Variants in ADK observed in about 807,000 individuals in gnomAD.
ADK encodes the protein N6,N6-dimethyladenosine kinase.
A neutral mutation model predicts 44.7 loss-of-function variants in ADK; 24 were observed. The ratio of observed to expected loss-of-function variants is 0.54; its 90% CI spans 0.39 to 0.76. The LOEUF is 0.76. Among genes scored for constraint, ADK ranks in the 30% least tolerant of loss-of-function variants. The probability of loss-of-function intolerance (pLI) is 0.00; values close to 1 mark genes in which losing one functional copy is unlikely to be tolerated. For synonymous variants in ADK, 128 were observed against 142.6 expected (o/e 0.90, Z 0.73); for missense variants, 321 against 425.1 (o/e 0.76, Z 2.15).
chr10:74,699,510 C>G (rs1468073749), intron 10 of ADK, among the ~76,000 whole-genome samples: 1 of 152,094 alleles, frequency 6.6e-6, no homozygotes, highest in Non-Finnish European at 1.5e-5. Flanking sequence ...AAACCCGTCT[C>G]TACTGAAAAT....
At chr10:74,207,383 G>A (rs904943072) in intron 2 of ADK, among the ~76,000 whole-genome samples, 6 of 152,154 alleles carry the variant, frequency 3.9e-5, no homozygotes, top group African/African-American at 1.4e-4. Context: ...AGCTCTGTTT[G>A]TGTTACAGCT....
intron 4 of ADK, among the ~76,000 whole-genome samples, chr10:74,370,435 C>T (rs940134989): frequency 6.6e-5 from 10 of 152,090 alleles, no homozygotes; most frequent in African/African-American, 1.2e-4. Flanking sequence ...TGTTTTCTCC[C>T]ATAACCTCAT....
At chr10:74,497,550 A>C (rs1438142417) in intron 6 of ADK, among the ~76,000 whole-genome samples, 165 of 152,340 alleles carry the variant, frequency 1.1e-3, no homozygotes, top group Non-Finnish European at 1.0e-4. Context: ...GGTTCTAGGG[A>C]TATGGTAATG....
At chr10:74,317,051 T>C (rs1840648334) in intron 4 of ADK, among the ~76,000 whole-genome samples, 1 of 152,218 alleles carries the variant, frequency 6.6e-6, no homozygotes, top group Non-Finnish European at 1.5e-5. Context: ...TCAAGTGATA[T>C]GGCAAATTAT....
At chr10:74,249,084 T>G (rs1466598736) in intron 3 of ADK, among the ~76,000 whole-genome samples, 1 of 152,218 alleles carries the variant, frequency 6.6e-6, no homozygotes, top group Non-Finnish European at 1.5e-5. Context: ...AAAATTTGTG[T>G]GAAATTCTCT....
intron 6 of ADK, among the ~76,000 whole-genome samples, chr10:74,458,608 A>C (rs937471031): frequency 3.3e-5 from 5 of 152,122 alleles, no homozygotes; most frequent in African/African-American, 1.2e-4. Flanking sequence ...TTGGCTTTGG[A>C]AATTTTATTA....
At chr10:74,517,466 A>G (rs1316407786) in intron 6 of ADK, among the ~76,000 whole-genome samples, 1 of 152,084 alleles carries the variant, frequency 6.6e-6, no homozygotes, top group African/African-American at 2.4e-5. Flanking sequence ...AGGGAGGCGT[A>G]TGGCTTGAGC....
At chr10:74,270,630 A>T (rs1443174536) in intron 3 of ADK, among the ~76,000 whole-genome samples, 2 of 152,218 alleles carry the variant, frequency 1.3e-5, no homozygotes, top group Non-Finnish European at 1.5e-5. Context: ...TCCTTAGACT[A>T]TGCTTTGAGA....
intron 7 of ADK, 32 bp downstream of exon 7, chr10:74,525,458 G>A: frequency 6.3e-7 from 1 of 1,577,536 alleles, no homozygotes; most frequent in Non-Finnish European, 8.7e-7. Context: ...AAAAGAACCT[G>A]GGGGTTTTTT....
chr10:74,480,341 A>G (rs1490642832), intron 6 of ADK, among the ~76,000 whole-genome samples: 1 of 150,646 alleles, frequency 6.6e-6, no homozygotes, highest in Non-Finnish European at 1.5e-5. Flanking sequence ...CAATCATCCA[A>G]CCACAGCCTC....
At chr10:74,540,388 T>C (rs1033998120) in intron 7 of ADK, among the ~76,000 whole-genome samples, 1 of 152,020 alleles carries the variant, frequency 6.6e-6, no homozygotes, top group Non-Finnish European at 1.5e-5. Flanking sequence ...TTGGTATTAT[T>C]TGTATAGTAT....
chr10:74,473,309 G>A (rs7476181), intron 6 of ADK, among the ~76,000 whole-genome samples: 91,837 of 151,954 alleles, frequency 0.6, 30,192 homozygotes, highest in Middle Eastern at 0.78. Flanking sequence ...GTAAAAATAA[G>A]TTCCATGTAC....
At chr10:74,427,199 A>C (rs1481877282) in intron 6 of ADK, among the ~76,000 whole-genome samples, 1 of 151,868 alleles carries the variant, frequency 6.6e-6, no homozygotes, top group African/African-American at 2.4e-5. Flanking sequence ...GGTTTATTTT[A>C]TTTTATTTTA....
At position 74,162,527 on chromosome 10, in the gene ADK, G is replaced by A. The variant is rs915914536; in HGVS notation, c.65+11184G>A. On this transcript the variant is annotated intron_variant, in intron 1 of 10. Transcript: ENST00000539909. The stretch of plus-strand genomic sequence containing the variant: ...ACTCCCGATTGCATTTCTTTTGTGT[G>A]TGTGTGTGTGTGTGTGTGTGTGTGT... 6.1e-3 allele frequency among the ~76,000 whole-genome samples: 822 copies of A among 134,440 alleles called. 8 individuals carry two copies. Among genetic ancestry groups the A allele is most frequent in the Non-Finnish European group, 7.3e-3 (456 of 62,134 alleles). 88.2% of individuals were successfully genotyped at this position (134,440 alleles called of 152,430 possible).
chr10:74,635,181 C>G (rs892294171), intron 9 of ADK, among the ~76,000 whole-genome samples: 2 of 152,108 alleles, frequency 1.3e-5, no homozygotes, highest in Non-Finnish European at 2.9e-5. Context: ...AAAACCACAC[C>G]TAAACATTTA....
intron 3 of ADK, among the ~76,000 whole-genome samples, chr10:74,259,144 C>T (rs1845943708): frequency 6.6e-6 from 1 of 151,564 alleles, no homozygotes; most frequent in Non-Finnish European, 1.5e-5. Context: ...GAGGTTTCGC[C>T]ATGTTGGCCA....
At position 74,218,040 on chromosome 10, in the gene ADK, G is replaced by T. The variant is rs192655907; in HGVS notation, c.141-6498G>T. ...GGACGGAGAATGACTTTGACGAGTT[G>T]AAAGAAGAAGGCTTCAGACGATCAA... On this transcript the variant is annotated intron_variant, in intron 2 of 10. Coordinates refer to ENST00000539909, the MANE Select transcript of ADK (RefSeq NM_006721.4). Among the ~76,000 whole-genome samples, 361 of 152,350 alleles carry T rather than the reference G, an allele frequency of 2.4e-3. 1 individual carries two copies. Among genetic ancestry groups the T allele is most frequent in the African/African-American group, 8.2e-3 (342 of 41,566 alleles).
In ADK at chr10:74,249,883, T is replaced by G. The variant is rs188387550; in HGVS notation, c.194+25292T>G. Among the ~76,000 whole-genome samples the G allele has an allele frequency of 8.5e-5, 13 of 152,348 alleles. No homozygotes were observed. In the East Asian group the frequency reaches 1.7e-3, roughly 20 times the overall value. On this transcript the variant is annotated intron_variant, in intron 3 of 10. Transcript: ENST00000539909. Reference sequence around the variant, plus strand: ...TAGTTTTATACTATGTGTAAAGCCCTATTTTAGACACTGAATACAGTGCCA... The same window carrying G: ...TAGTTTTATACTATGTGTAAAGCCCGATTTTAGACACTGAATACAGTGCCA...
At chr10:74,239,238 A>T (rs1195482478) in intron 3 of ADK, among the ~76,000 whole-genome samples, 2 of 152,072 alleles carry the variant, frequency 1.3e-5, no homozygotes, top group African/African-American at 4.8e-5. Flanking sequence ...AATCGAATGT[A>T]ACTATCAACA....
Sources: allele counts gnomAD v4.1 joint callset (sites outside exome capture counted in the v4.1 genomes callset), GRCh38; gene constraint gnomAD v4.1.1; transcripts MANE v1.5; gene names NCBI Gene and HGNC (gene_info 2026-07-23, HGNC 2026-07-21).